LUZP2: variants seen among roughly 807,000 people sequenced by gnomAD.
LUZP2 encodes leucine zipper protein 2.
LUZP2 carries 52 observed loss-of-function variants against 51.6 expected under a neutral mutation model. The observed-to-expected ratio is 1.01, with a 90% CI of 0.81 to 1.27. The LOEUF is 1.27. Ranked by LOEUF, LUZP2 falls within the 50% of genes most tolerant of loss-of-function variation. LUZP2 has a pLI of 0.00. For missense variants in LUZP2, 436 were observed against 395.4 expected, an observed-to-expected ratio of 1.10 and a Z score of -0.87; for synonymous variants, 154 against 137.3, an observed-to-expected ratio of 1.12 and a Z score of -0.85.
intron 7 of LUZP2, among the ~76,000 whole-genome samples, chr11:24,937,745 C>CA (rs1171680270): frequency 2.0e-5 from 3 of 151,578 alleles, no homozygotes; most frequent in Non-Finnish European, 4.4e-5. Flanking sequence ...ACTAACAATA[C>CA]AAAAAATTAG....
intron 9 of LUZP2, among the ~76,000 whole-genome samples, chr11:25,017,528 A>G (rs953959517): frequency 4.6e-5 from 7 of 152,056 alleles, no homozygotes; most frequent in African/African-American, 1.7e-4. Flanking sequence ...TTGTTTCCCC[A>G]GTTTGTTTTC....
At chr11:24,971,686 A>G (rs1855740585) in intron 7 of LUZP2, among the ~76,000 whole-genome samples, 1 of 152,214 alleles carries the variant, frequency 6.6e-6, no homozygotes, top group African/African-American at 2.4e-5. Context: ...TGTATGATTT[A>G]ATCCAGTACC....
At chr11:25,022,702 G>C (rs764184644) in intron 9 of LUZP2, among the ~76,000 whole-genome samples, 1 of 152,052 alleles carries the variant, frequency 6.6e-6, no homozygotes, top group African/African-American at 2.4e-5. Flanking sequence ...TAAATCAATA[G>C]TACTGGACAG....
At chr11:24,527,171 A>G (rs1850832569) in intron 1 of LUZP2, among the ~76,000 whole-genome samples, 1 of 151,374 alleles carries the variant, frequency 6.6e-6, no homozygotes. Context: ...GCTTTTAGCA[A>G]TATATTTTGA....
chr11:24,662,693 T>C (rs1251993130), intron 1 of LUZP2, among the ~76,000 whole-genome samples: 2 of 152,024 alleles, frequency 1.3e-5, no homozygotes, highest in Non-Finnish European at 2.9e-5. Flanking sequence ...TTATGACACA[T>C]TTGTAGATAA....
intron 10 of LUZP2, among the ~76,000 whole-genome samples, chr11:25,059,331 C>T (rs2134036601): frequency 6.6e-6 from 1 of 152,136 alleles, no homozygotes; most frequent in African/African-American, 2.4e-5. Context: ...TGCTTTAATT[C>T]TTGAAGTTTT....
chr11:25,042,745 G>C (rs1035398771), intron 9 of LUZP2, among the ~76,000 whole-genome samples: 1 of 152,098 alleles, frequency 6.6e-6, no homozygotes, highest in African/African-American at 2.4e-5. Flanking sequence ...GCTTGTGGCT[G>C]TCTATATCTG....
chr11:24,533,440 GTTGTCTTTTCC>G (rs971246304), intron 1 of LUZP2, among the ~76,000 whole-genome samples: 1 of 151,120 alleles, frequency 6.6e-6, no homozygotes, highest in Non-Finnish European at 1.5e-5. Flanking sequence ...TACTTGCACG[GTTGTCTTTTCC>G]TTGGTTTCAC....
chr11:24,520,509 C>T (rs1850608638), intron 1 of LUZP2, among the ~76,000 whole-genome samples: 3 of 152,136 alleles, frequency 2.0e-5, no homozygotes, highest in Non-Finnish European at 4.4e-5. Flanking sequence ...AGAATCTTCT[C>T]ATGTAAATTT....
intron 1 of LUZP2, among the ~76,000 whole-genome samples, chr11:24,497,888 G>C (rs1419527421): frequency 6.6e-6 from 1 of 152,202 alleles, no homozygotes; most frequent in African/African-American, 2.4e-5. Flanking sequence ...TCTAATTAAA[G>C]AGCACAGAAG....
intron 5 of LUZP2, among the ~76,000 whole-genome samples, chr11:24,827,931 A>G (rs1850590063): frequency 6.6e-6 from 1 of 152,072 alleles, no homozygotes; most frequent in South Asian, 2.1e-4. Context: ...ATTTCCACAG[A>G]GATACATGCA....
intron 5 of LUZP2, among the ~76,000 whole-genome samples, chr11:24,818,683 A>G (rs1039826439): frequency 6.6e-6 from 1 of 152,046 alleles, no homozygotes; most frequent in Non-Finnish European, 1.5e-5. Flanking sequence ...ATTATATATC[A>G]TGCTCTATGT....
intron 1 of LUZP2, among the ~76,000 whole-genome samples, chr11:24,656,606 C>G (rs1289906735): frequency 1.3e-5 from 2 of 152,182 alleles, no homozygotes; most frequent in Non-Finnish European, 2.9e-5. Flanking sequence ...TTCTTCCGAG[C>G]TCCTTCAGGG....
chr11:24,763,214 A>T, intron 4 of LUZP2, 32 bp from the exon 5 acceptor site: 1 of 979,188 alleles, frequency 1.0e-6, no homozygotes, highest in South Asian at 2.1e-5. Context: ...TGAGTTTGGA[A>T]TGTGTCTACA....
intron 1 of LUZP2, among the ~76,000 whole-genome samples, chr11:24,588,633 A>AT (rs1197185369): frequency 4.4e-4 from 3 of 6,762 alleles, no homozygotes; most frequent in Middle Eastern, 0.12. Context: ...ATAAAGGAAT[A>AT]ATTTTTTCCC....
chr11:24,965,431 A>G (rs911816397), intron 7 of LUZP2, among the ~76,000 whole-genome samples: 1 of 151,598 alleles, frequency 6.6e-6, no homozygotes, highest in Non-Finnish European at 1.5e-5. Flanking sequence ...ACCAAGAAAG[A>G]ATATCAACAA....
chr11:24,730,117 G>C (rs1337163583), intron 2 of LUZP2, among the ~76,000 whole-genome samples: 1 of 151,212 alleles, frequency 6.6e-6, no homozygotes, highest in African/African-American at 2.4e-5. Context: ...TAATGATAAT[G>C]ATGATGATGA....
At chr11:24,644,286 A>T (rs1414330567) in intron 1 of LUZP2, among the ~76,000 whole-genome samples, 1 of 152,154 alleles carries the variant, frequency 6.6e-6, no homozygotes, top group Non-Finnish European at 1.5e-5. Context: ...CTGCATGCAC[A>T]CTGCTGTGTT....
At chr11:24,735,686 A>G (rs1222848417) in intron 3 of LUZP2, among the ~76,000 whole-genome samples, 1 of 151,936 alleles carries the variant, frequency 6.6e-6, no homozygotes, top group African/African-American at 2.4e-5. Flanking sequence ...GGTGTGGAAT[A>G]ATGGTCCTTT....
Sources: allele counts gnomAD v4.1 joint callset (sites outside exome capture counted in the v4.1 genomes callset), GRCh38; gene constraint gnomAD v4.1.1; transcripts MANE v1.5; gene names NCBI Gene and HGNC (gene_info 2026-07-23, HGNC 2026-07-21).